The following ADAMTS17 variants were observed in gnomAD, a reference collection of about 807,000 sequenced individuals.
ADAMTS17 encodes the protein ADAM metallopeptidase with thrombospondin type 1 motif 17.
A neutral mutation model predicts 141.5 loss-of-function variants in ADAMTS17; 113 were observed. That is an observed-to-expected ratio of 0.80 (90% CI 0.69 to 0.93). The LOEUF (loss-of-function observed/expected upper bound fraction) is 0.93. Ranked by LOEUF, ADAMTS17 falls within the 40% of genes least tolerant of loss-of-function variation. ADAMTS17 has a pLI of 0.00. For synonymous variants in ADAMTS17, 768 were observed against 630.6 expected (o/e 1.22, Z -3.27); for missense variants, 1,659 against 1,517.9 (o/e 1.09, Z -1.54).
At chr15:100,041,944 CA>C (rs1342988520) in intron 18 of ADAMTS17, among the ~76,000 whole-genome samples, 2 of 152,174 alleles carry the variant, frequency 1.3e-5, no homozygotes, top group African/African-American at 4.8e-5. Flanking sequence ...GTAACAATAA[CA>C]TAGAAAGGCT....
intron 15 of ADAMTS17, among the ~76,000 whole-genome samples, chr15:100,088,611 A>G (rs556776105): frequency 1.3e-5 from 2 of 152,202 alleles, no homozygotes; most frequent in South Asian, 2.1e-4. Flanking sequence ...TACAGTAACC[A>G]AAACAGCATG....
At chr15:100,261,730 C>T in intron 5 of ADAMTS17, 94 bp from the exon 6 acceptor site, 1 of 1,396,660 alleles carries the variant, frequency 7.2e-7, no homozygotes, top group South Asian at 1.2e-5. Flanking sequence ...TGGAGGCAGT[C>T]ACTCACTGAG....
chr15:100,323,187 T>C (rs1336395880), intron 3 of ADAMTS17, among the ~76,000 whole-genome samples: 1 of 150,482 alleles, frequency 6.6e-6, no homozygotes, highest in East Asian at 1.9e-4. Flanking sequence ...TAATATTTAC[T>C]TTCTGCCACA....
chr15:100,019,761 G>A (rs947247556), intron 18 of ADAMTS17, among the ~76,000 whole-genome samples: 1 of 152,180 alleles, frequency 6.6e-6, no homozygotes, highest in East Asian at 1.9e-4. Context: ...TTGGCCCTGT[G>A]GCCTCTAGTC....
At chr15:100,090,509 C>T (rs1174407886) in intron 15 of ADAMTS17, among the ~76,000 whole-genome samples, 1 of 152,134 alleles carries the variant, frequency 6.6e-6, no homozygotes, top group Admixed American at 6.5e-5. Context: ...TATTCTTAAG[C>T]TTAACTTTGC....
chr15:100,160,991 T>C (rs1193239455), intron 8 of ADAMTS17, among the ~76,000 whole-genome samples: 2 of 152,218 alleles, frequency 1.3e-5, no homozygotes, highest in African/African-American at 2.4e-5. Context: ...TCTGGCAACA[T>C]TATATTTAAC....
chr15:100,326,546 G>A (rs917384835), intron 3 of ADAMTS17, among the ~76,000 whole-genome samples: 2 of 152,214 alleles, frequency 1.3e-5, no homozygotes, highest in African/African-American at 4.8e-5. Context: ...TGTGTGGGCT[G>A]TAATAATGGA....
chr15:100,087,635 G>C (rs8032696), intron 15 of ADAMTS17, among the ~76,000 whole-genome samples: 49,975 of 152,034 alleles, frequency 0.33, 10,514 homozygotes, highest in East Asian at 0.58. Flanking sequence ...AAAAGCTTAT[G>C]CACCATGATC....
At chr15:99,980,416 C>T (rs1166168626) in intron 20 of ADAMTS17, 2 of 152,252 alleles carry the variant, frequency 1.3e-5, no homozygotes, top group Non-Finnish European at 2.9e-5. Flanking sequence ...TTTTCTCGGG[C>T]CATTGGCCAC....
chr15:100,171,778 G>A (rs944465026), intron 8 of ADAMTS17, among the ~76,000 whole-genome samples: 2 of 152,166 alleles, frequency 1.3e-5, no homozygotes, highest in Non-Finnish European at 2.9e-5. Flanking sequence ...CATGGAAGGG[G>A]CTGGTAAATG....
intron 3 of ADAMTS17, among the ~76,000 whole-genome samples, chr15:100,309,254 T>C (rs1297100929): frequency 6.6e-6 from 1 of 152,176 alleles, no homozygotes; most frequent in Non-Finnish European, 1.5e-5. Flanking sequence ...CTCGGAGGCA[T>C]GTGGGGGCGA....
chr15:100,172,279 T>C (rs564771063), intron 8 of ADAMTS17, among the ~76,000 whole-genome samples: 1 of 148,934 alleles, frequency 6.7e-6, no homozygotes, highest in South Asian at 2.1e-4. Flanking sequence ...GACCTGGGCA[T>C]GTGGATTTTT....
chr15:100,058,182 T>TA, intron 15 of ADAMTS17, among the ~76,000 whole-genome samples: 2 of 43,500 alleles, frequency 4.6e-5, no homozygotes, highest in East Asian at 2.7e-4. Flanking sequence ...ATCCCGGCTC[T>TA]AACACCCCTA....
At chr15:100,236,191 G>A (rs2042647469) in intron 7 of ADAMTS17, among the ~76,000 whole-genome samples, 1 of 147,588 alleles carries the variant, frequency 6.8e-6, no homozygotes, top group African/African-American at 2.5e-5. Context: ...TGTAAAAAAA[G>A]TAAATGTCTA....
At chr15:100,049,468 A>G (rs550308787) in intron 17 of ADAMTS17, among the ~76,000 whole-genome samples, 1 of 152,270 alleles carries the variant, frequency 6.6e-6, no homozygotes, top group South Asian at 2.1e-4. Flanking sequence ...AGACACACAG[A>G]CCTGCATCCT....
At chr15:100,216,375 G>C (rs1336939937) in intron 7 of ADAMTS17, among the ~76,000 whole-genome samples, 1 of 152,238 alleles carries the variant, frequency 6.6e-6, no homozygotes. Context: ...TGCCAGCGTA[G>C]AGGCTGTGAA....
At chr15:100,171,128 G>T (rs1250233754) in intron 8 of ADAMTS17, among the ~76,000 whole-genome samples, 1 of 152,038 alleles carries the variant, frequency 6.6e-6, no homozygotes, top group African/African-American at 2.4e-5. Context: ...TTGGAGGAGG[G>T]GATTAGCCCA....
At chr15:100,287,251 T>C (rs1160374388) in intron 3 of ADAMTS17, among the ~76,000 whole-genome samples, 3 of 152,032 alleles carry the variant, frequency 2.0e-5, no homozygotes, top group Non-Finnish European at 2.9e-5. Flanking sequence ...CATAATGCAA[T>C]CGCAAGTACT....
intron 10 of ADAMTS17, among the ~76,000 whole-genome samples, chr15:100,142,152 C>T (rs2038686413): frequency 6.6e-6 from 1 of 152,244 alleles, no homozygotes; most frequent in South Asian, 2.1e-4. Context: ...CTAACAGTCT[C>T]TGGAGGACTC....
Sources: gnomAD v4.1 joint callset for allele counts (sites outside exome capture counted in the v4.1 genomes callset) on GRCh38, gnomAD v4.1.1 for gene constraint, MANE v1.5 for transcripts, NCBI Gene and HGNC (gene_info 2026-07-23, HGNC 2026-07-21) for gene names.